Variants in SLC25A21 observed in about 807,000 individuals in gnomAD.
SLC25A21 encodes the protein solute carrier family 25 member 21.
SLC25A21 carries 47 observed loss-of-function variants against 43.8 expected under a neutral mutation model. The ratio of observed to expected loss-of-function variants is 1.07; its 90% CI spans 0.85 to 1.37. SLC25A21 has a LOEUF of 1.37. Ranked by LOEUF, SLC25A21 falls within the 40% of genes most tolerant of loss-of-function variation. The pLI is 0.00. For missense variants in SLC25A21, 352 were observed against 350.2 expected (o/e 1.00, Z -0.04); for synonymous variants, 131 against 121.3 (o/e 1.08, Z -0.52).
intron 3 of SLC25A21, among the ~76,000 whole-genome samples, chr14:36,790,029 A>G (rs1313055691): frequency 6.9e-6 from 1 of 145,742 alleles, no homozygotes; most frequent in African/African-American, 2.5e-5. Flanking sequence ...TAAATAGTTG[A>G]TAAAAAGAGA....
intron 1 of SLC25A21, among the ~76,000 whole-genome samples, chr14:37,100,713 G>C (rs1255885717): frequency 3.9e-5 from 6 of 152,226 alleles, no homozygotes. Context: ...GATCAGTAGA[G>C]AACAGCTGCA....
chr14:36,904,672 C>G (rs1481848294), intron 1 of SLC25A21, among the ~76,000 whole-genome samples: 3 of 152,162 alleles, frequency 2.0e-5, no homozygotes, highest in African/African-American at 7.2e-5. Context: ...AAAGCAGGCA[C>G]CTTCTTCACA....
intron 1 of SLC25A21, among the ~76,000 whole-genome samples, chr14:36,878,627 CTA>C (rs1566701840): frequency 6.6e-6 from 1 of 152,162 alleles, no homozygotes; most frequent in Admixed American, 6.5e-5. Context: ...ATTGACAATT[CTA>C]TGACCTACTA....
intron 1 of SLC25A21, among the ~76,000 whole-genome samples, chr14:36,977,120 C>A (rs530667019): frequency 2.2e-4 from 34 of 152,324 alleles, no homozygotes; most frequent in African/African-American, 7.9e-4. Flanking sequence ...GCTTTCAAGG[C>A]ATTAATTTTT....
rs34908078 is a variant in SLC25A21 at position 36,678,294 on chromosome 14, C to CT, written c.*2363dup. ...CACACAAATTATGTTAGAGTGACTG[C>CT]TTTTTTCAGACAGCAGATATCTTAT... On this transcript the variant is annotated 3_prime_UTR_variant, in exon 10 of 10. Coordinates refer to ENST00000331299, the MANE Select transcript of SLC25A21 (RefSeq NM_030631.4). The CT allele has an allele frequency of 1.8e-6, 1 of 563,894 alleles. No homozygotes were observed. Among genetic ancestry groups the CT allele is most frequent in the African/African-American group, 1.9e-5 (1 of 53,604 alleles). 34.9% of individuals were successfully genotyped at this position (563,894 alleles called of 1,614,324 possible). A position where few individuals can be genotyped will look rare whatever the true frequency, so the allele number is the denominator to read the frequency against.
intron 7 of SLC25A21, among the ~76,000 whole-genome samples, chr14:36,705,387 C>G (rs1468423659): frequency 6.6e-6 from 1 of 152,052 alleles, no homozygotes; most frequent in Non-Finnish European, 1.5e-5. Flanking sequence ...CAAACATAGC[C>G]TTAGAATTAA....
intron 1 of SLC25A21, among the ~76,000 whole-genome samples, chr14:36,988,994 CA>C (rs1231145765): frequency 6.6e-6 from 1 of 152,158 alleles, no homozygotes; most frequent in African/African-American, 2.4e-5. Flanking sequence ...TCTTAGAAAG[CA>C]AAAATTAATT....
At chr14:36,801,929 A>C (rs1411375845) in intron 3 of SLC25A21, among the ~76,000 whole-genome samples, 1 of 152,202 alleles carries the variant, frequency 6.6e-6, no homozygotes, top group African/African-American at 2.4e-5. Flanking sequence ...AAGCCTTCAC[A>C]GTTTCCCTAA....
chr14:36,780,020 ACTT>A (rs540725820), intron 3 of SLC25A21, among the ~76,000 whole-genome samples: 195 of 151,922 alleles, frequency 1.3e-3, no homozygotes, highest in African/African-American at 4.6e-3. Flanking sequence ...ATTTGATCGT[ACTT>A]CTTATTGATC....
intron 3 of SLC25A21, among the ~76,000 whole-genome samples, chr14:36,756,540 C>CT (rs983986014): frequency 2.6e-5 from 4 of 152,158 alleles, no homozygotes; most frequent in African/African-American, 4.8e-5. Flanking sequence ...GCGGAAAACA[C>CT]TTTTTTGAAA....
At chr14:37,086,413 A>C (rs533126425) in intron 1 of SLC25A21, among the ~76,000 whole-genome samples, 94 of 152,278 alleles carry the variant, frequency 6.2e-4, no homozygotes, top group South Asian at 1.7e-3. Flanking sequence ...GTGTATAGAT[A>C]TGTTTGTGTA....
intron 2 of SLC25A21, among the ~76,000 whole-genome samples, chr14:36,841,731 C>T (rs758843711): frequency 1.3e-5 from 2 of 152,120 alleles, no homozygotes; most frequent in Non-Finnish European, 2.9e-5. Context: ...TTGCCTAGCC[C>T]ATCAAGGCCA....
At chr14:37,127,074 T>TAGGGAAA (rs1219387118) in intron 1 of SLC25A21, among the ~76,000 whole-genome samples, 3 of 152,102 alleles carry the variant, frequency 2.0e-5, no homozygotes, top group Non-Finnish European at 4.4e-5. Flanking sequence ...TGGGTTCACC[T>TAGGGAAA]AGGGAAAAGG....
intron 3 of SLC25A21, among the ~76,000 whole-genome samples, chr14:36,738,138 T>C (rs994099074): frequency 1.3e-5 from 2 of 152,158 alleles, no homozygotes; most frequent in Non-Finnish European, 1.5e-5. Context: ...CAGTTAAAAT[T>C]TGCCCTTGAG....
At chr14:37,147,108 C>T (rs2138928423) in intron 1 of SLC25A21, among the ~76,000 whole-genome samples, 1 of 152,292 alleles carries the variant, frequency 6.6e-6, no homozygotes, top group East Asian at 1.9e-4. Flanking sequence ...CTCCTTCACC[C>T]TTGTCTCTTA....
At position 36,874,816 on chromosome 14, in the gene SLC25A21, T is replaced by G. The variant is rs563047967; in HGVS notation, c.119+140A>C. ...TGTTCACATTTTATCTGTCAAATAG[T>G]ACTTTCTTTAGAAGCAAATATAACT... On this transcript the variant is annotated intron_variant, in intron 2 of 9. Transcript: ENST00000331299. The G allele has an allele frequency of 5.6e-5, 32 of 571,112 alleles. No individual in the cohort carries two copies. The Admixed American group carries it at 6.1e-4, about 11-fold the overall frequency. 35.4% of individuals were successfully genotyped at this position (571,112 alleles called of 1,614,324 possible).
chr14:36,681,973 G>C (rs1882287323), intron 9 of SLC25A21, among the ~76,000 whole-genome samples: 1 of 152,190 alleles, frequency 6.6e-6, no homozygotes, highest in African/African-American at 2.4e-5. Context: ...AGAATATGCA[G>C]AGTTGGGTTA....
chr14:37,137,889 T>C (rs1280608190), intron 1 of SLC25A21, among the ~76,000 whole-genome samples: 5 of 152,204 alleles, frequency 3.3e-5, no homozygotes, highest in Non-Finnish European at 7.3e-5. Context: ...CAATAAAATA[T>C]GTTGAAAAAA....
At chr14:36,962,988 T>C (rs1325852454) in intron 1 of SLC25A21, among the ~76,000 whole-genome samples, 2 of 152,240 alleles carry the variant, frequency 1.3e-5, no homozygotes, top group Non-Finnish European at 2.9e-5. Context: ...GAACCCTTTG[T>C]ATGCATAGCA....
Sources: gnomAD v4.1 joint callset for allele counts (sites outside exome capture counted in the v4.1 genomes callset) on GRCh38, gnomAD v4.1.1 for gene constraint, MANE v1.5 for transcripts, NCBI Gene and HGNC (gene_info 2026-07-23, HGNC 2026-07-21) for gene names.